PDPN: variants seen among roughly 807,000 people sequenced by gnomAD.
The protein encoded by PDPN is podoplanin.
Under a neutral mutation model 23.2 loss-of-function variants are expected in PDPN, and 12 were observed. The ratio of observed to expected loss-of-function variants is 0.52; its 90% confidence interval spans 0.33 to 0.84. The LOEUF is 0.84. Ranked by LOEUF, PDPN falls within the 40% of genes least tolerant of loss-of-function variation. PDPN has a pLI of 0.02. For synonymous variants in PDPN, 77 were observed against 76.7 expected (o/e 1.00, Z -0.02); for missense variants, 199 against 212.2 (o/e 0.94, Z 0.39).
At chr1:13,594,149 CAG>C in intron 1 of PDPN, among the ~76,000 whole-genome samples, 1 of 152,204 alleles carries the variant, frequency 6.6e-6, no homozygotes, top group East Asian at 1.9e-4. Context: ...ATTCAGGCAG[CAG>C]AGACTGTGCT....
intron 5 of PDPN, 107 bp from the exon 6 acceptor site, chr1:13,615,798 A>G: frequency 9.7e-7 from 1 of 1,026,488 alleles, no homozygotes; most frequent in Non-Finnish European, 1.5e-6. Flanking sequence ...ACCAGGTGTC[A>G]GAACTTGGAA....
At chr1:13,603,748 C>T (rs1457174671) in intron 1 of PDPN, among the ~76,000 whole-genome samples, 3 of 152,034 alleles carry the variant, frequency 2.0e-5, no homozygotes, top group African/African-American at 4.8e-5. Context: ...GCCACTGTGC[C>T]AGGCTAATTT....
intron 3 of PDPN, among the ~76,000 whole-genome samples, chr1:13,612,239 A>G (rs1640953558): frequency 6.6e-6 from 1 of 152,192 alleles, no homozygotes; most frequent in African/African-American, 2.4e-5. Context: ...TAATTTTATT[A>G]GGGCAGCAGA....
chr1:13,607,539 C>T (rs544278062), intron 2 of PDPN, among the ~76,000 whole-genome samples: 2 of 152,294 alleles, frequency 1.3e-5, no homozygotes, highest in African/African-American at 2.4e-5. Flanking sequence ...AAAGAACCAA[C>T]ATTATGTGAG....
chr1:13,587,057 T>A (rs1237707987), intron 1 of PDPN, among the ~76,000 whole-genome samples: 2 of 152,120 alleles, frequency 1.3e-5, no homozygotes, highest in African/African-American at 4.8e-5. Flanking sequence ...CTCAAAAATA[T>A]ATATAAAAAC....
intron 1 of PDPN, among the ~76,000 whole-genome samples, chr1:13,593,284 C>T (rs760790841): frequency 1.3e-5 from 2 of 152,068 alleles, no homozygotes; most frequent in Admixed American, 6.6e-5. Context: ...TTTATACGCC[C>T]GGCTTTAGAT....
chr1:13,589,003 T>C (rs990653536), intron 1 of PDPN, among the ~76,000 whole-genome samples: 7 of 49,408 alleles, frequency 1.4e-4, no homozygotes, highest in African/African-American at 1.1e-3. Flanking sequence ...TAAATATTTA[T>C]TGAACAGCTA....
chr1:13,593,822 G>A (rs145179590), intron 1 of PDPN, among the ~76,000 whole-genome samples: 4 of 152,196 alleles, frequency 2.6e-5, no homozygotes, highest in Non-Finnish European at 5.9e-5. Context: ...TCTAAAGCAG[G>A]TTTTTGTCAT....
intron 1 of PDPN, among the ~76,000 whole-genome samples, chr1:13,584,589 C>G (rs1640125477): frequency 6.6e-6 from 1 of 152,244 alleles, no homozygotes; most frequent in Non-Finnish European, 1.5e-5. Context: ...TTGGGACTAC[C>G]TAGTCTGGCG....
intron 1 of PDPN, among the ~76,000 whole-genome samples, chr1:13,601,211 G>A (rs1291546117): frequency 1.3e-5 from 2 of 152,348 alleles, no homozygotes; most frequent in South Asian, 4.1e-4. Context: ...TGAGGAGGAA[G>A]AGGGAGCTTA....
intron 1 of PDPN, among the ~76,000 whole-genome samples, chr1:13,606,696 GAAAAAAAT>G (rs1463036349): frequency 6.6e-6 from 1 of 151,630 alleles, no homozygotes; most frequent in Non-Finnish European, 1.5e-5. Context: ...AAAAGGTAGA[GAAAAAAAT>G]AAAAAAATAA....
At chr1:13,591,574 T>G (rs1345067163) in intron 1 of PDPN, among the ~76,000 whole-genome samples, 1 of 152,230 alleles carries the variant, frequency 6.6e-6, no homozygotes, top group African/African-American at 2.4e-5. Context: ...GATTTGCTTA[T>G]TCTGGATATT....
chr1:13,595,005 A>AG (rs371628315), intron 1 of PDPN, among the ~76,000 whole-genome samples: 2,099 of 151,192 alleles, frequency 0.014, 47 homozygotes, highest in African/African-American at 0.048. Context: ...AAAAAAAAAA[A>AG]AAAGAAAGAA....
chr1:13,607,370 G>A (rs1282562836), intron 2 of PDPN, 64 bp downstream of exon 2: 6 of 1,259,582 alleles, frequency 4.8e-6, no homozygotes, highest in Non-Finnish European at 5.5e-6. Flanking sequence ...AGGCTATGAT[G>A]TATATTAATT....
chr1:13,611,767 G>A (rs183228831), intron 3 of PDPN, among the ~76,000 whole-genome samples: 1 of 151,706 alleles, frequency 6.6e-6, no homozygotes. Context: ...GGCGGGGAGT[G>A]GGGGGAACCT....
At chr1:13,597,479 TCTC>T (rs1442937086) in intron 1 of PDPN, among the ~76,000 whole-genome samples, 1 of 152,170 alleles carries the variant, frequency 6.6e-6, no homozygotes, top group Admixed American at 6.5e-5. Context: ...AGAAACGGCT[TCTC>T]CAGCGTTCAG....
intron 1 of PDPN, among the ~76,000 whole-genome samples, chr1:13,588,128 C>G (rs1459161982): frequency 8.2e-6 from 1 of 121,434 alleles, no homozygotes; most frequent in African/African-American, 3.8e-5. Flanking sequence ...CCCGCCCCCC[C>G]AAACACACAT....
At chr1:13,603,005 C>G (rs1273340926) in intron 1 of PDPN, among the ~76,000 whole-genome samples, 1 of 149,842 alleles carries the variant, frequency 6.7e-6, no homozygotes, top group African/African-American at 2.5e-5. Context: ...GTAGTGAGAC[C>G]TTGTCTCTAC....
Position 13,584,266 on chromosome 1 carries a change from C to G in PDPN, c.67+166C>G. ...AGCGCCGGAGGAGGAGAGGCAGCGG[C>G]TTAGTCGGTGCCAGGTCCCAAAGAC... On this transcript the variant is annotated intron_variant, in intron 1 of 5. Coordinates refer to ENST00000621990, the MANE Select transcript of PDPN (RefSeq NM_006474.5). The G allele has an allele frequency of 6.5e-7, 1 of 1,531,998 alleles. No homozygotes were observed. Among genetic ancestry groups the G allele is most frequent in the Non-Finnish European group, 8.7e-7 (1 of 1,145,614 alleles). 94.9% of individuals were successfully genotyped at this position (1,531,998 alleles called of 1,614,324 possible).
Sources: gnomAD v4.1 joint callset for allele counts (sites outside exome capture counted in the v4.1 genomes callset) on GRCh38, gnomAD v4.1.1 for gene constraint, MANE v1.5 for transcripts, NCBI Gene and HGNC (gene_info 2026-07-23, HGNC 2026-07-21) for gene names.